Variants in SKA3 observed in about 807,000 individuals in gnomAD.
The protein encoded by SKA3 is spindle and kinetochore associated complex subunit 3, also known as spindle and kinetochore-associated protein 3.
Under a neutral mutation model 44.2 loss-of-function variants are expected in SKA3, and 39 were observed. The ratio of observed to expected loss-of-function variants is 0.88; its 90% CI spans 0.68 to 1.15. The LOEUF is 1.15. SKA3 is among the 50% of genes most tolerant of loss of function. The pLI is 0.00. For missense variants in SKA3, 511 were observed against 485.8 expected (o/e 1.05, Z -0.49); for synonymous variants, 192 against 172.0 (o/e 1.12, Z -0.91).
chr13:21,166,354 T>C (rs1870713254), intron 4 of SKA3, among the ~76,000 whole-genome samples: 1 of 152,212 alleles, frequency 6.6e-6, no homozygotes, highest in Non-Finnish European at 1.5e-5. Context: ...TTTATCATTT[T>C]GTATTATTTT....
chr13:21,156,377 A>T (rs1870121293), intron 7 of SKA3, among the ~76,000 whole-genome samples: 1 of 152,174 alleles, frequency 6.6e-6, no homozygotes, highest in Admixed American at 6.6e-5. Context: ...ACACAAAGGA[A>T]AGATGTAAAA....
At chr13:21,159,647 T>C (rs1472479487) in intron 6 of SKA3, among the ~76,000 whole-genome samples, 1 of 152,204 alleles carries the variant, frequency 6.6e-6, no homozygotes, top group Admixed American at 6.5e-5. Context: ...TGCTGTTCCT[T>C]ACTCTATAAC....
intron 4 of SKA3, among the ~76,000 whole-genome samples, chr13:21,163,152 G>A (rs2137366314): frequency 6.6e-6 from 1 of 151,948 alleles, no homozygotes; most frequent in East Asian, 1.9e-4. Context: ...TTTATAATAG[G>A]GGAAAATTGG....
At chr13:21,174,067 A>G (rs1253178405) in intron 1 of SKA3, among the ~76,000 whole-genome samples, 2 of 152,226 alleles carry the variant, frequency 1.3e-5, no homozygotes, top group African/African-American at 2.4e-5. Flanking sequence ...TAGAATGGCA[A>G]TCATTAAAAA....
At chr13:21,173,187 G>T (rs970470457) in intron 1 of SKA3, among the ~76,000 whole-genome samples, 1 of 151,886 alleles carries the variant, frequency 6.6e-6, no homozygotes, top group Non-Finnish European at 1.5e-5. Flanking sequence ...AGGAGAAACA[G>T]AGCCTTAGTA....
chr13:21,155,259 T>C, intron 8 of SKA3, 109 bp from the exon 9 acceptor site: 1 of 886,096 alleles, frequency 1.1e-6, no homozygotes, highest in Non-Finnish European at 1.7e-6. Flanking sequence ...TAATTGAGGA[T>C]AGATTCCCAC....
rs1255294377 is a variant in SKA3, at chr13:21,175,181, T to G, written c.103+1194A>C. ...TTAGTAGAGACGAGGTTTCACCACG[T>G]TGGCCAGGCTGGTCTTGAACTCCTG... On this transcript the variant is annotated intron_variant, in intron 1 of 8. Coordinates refer to ENST00000314759, the MANE Select transcript of SKA3 (RefSeq NM_145061.6). Among the ~76,000 whole-genome samples, 6 of 151,456 alleles carry G rather than the reference T, an allele frequency of 4.0e-5. No individual in the cohort carries two copies. In the East Asian group the frequency reaches 1.2e-3, roughly 29 times the overall value.
intron 8 of SKA3, 24 bp downstream of exon 8, chr13:21,155,669 T>C: frequency 7.3e-7 from 1 of 1,376,870 alleles, no homozygotes; most frequent in East Asian, 2.3e-5. Context: ...ACATGAACTT[T>C]CTTTACAAAG....
intron 4 of SKA3, among the ~76,000 whole-genome samples, chr13:21,167,722 G>A (rs1318659096): frequency 2.7e-5 from 4 of 147,074 alleles, no homozygotes; most frequent in African/African-American, 5.0e-5. Flanking sequence ...AGCTGAGATC[G>A]CACCACTGCA....
chr13:21,172,764 C>T, intron 1 of SKA3, 83 bp from the exon 2 acceptor site: 1 of 762,672 alleles, frequency 1.3e-6, no homozygotes, highest in Non-Finnish European at 2.1e-6. Flanking sequence ...CAATCATATA[C>T]CTTATAATGA....
intron 5 of SKA3, among the ~76,000 whole-genome samples, 185 bp downstream of exon 5, chr13:21,161,605 A>T (rs1870443135): frequency 6.6e-6 from 1 of 152,254 alleles, no homozygotes; most frequent in East Asian, 1.9e-4. Context: ...TATTAAAAAC[A>T]TACCAGAAAA....
chr13:21,161,863 TA>T lies in SKA3; in HGVS notation c.755del (p.Ile252LysfsTer43). ...NARNNKSEEA[I>X]DTESRLNDNV... ...TATCATTGAGCCTGGATTCTGTATC[TA>T]TGGCCTCCTCACTGGTGTGATTCAT... On this transcript the variant is annotated frameshift_variant, in exon 5 of 9. Transcript: ENST00000314759. LOFTEE classifies it high-confidence loss of function. 1 of 1,610,514 alleles carries T rather than the reference TA, an allele frequency of 6.2e-7. No homozygotes were observed. Among genetic ancestry groups the T allele is most frequent in the Non-Finnish European group, 8.5e-7 (1 of 1,177,686 alleles).
chr13:21,163,215 A>AAG (rs1015544486), intron 4 of SKA3, among the ~76,000 whole-genome samples: 1 of 151,712 alleles, frequency 6.6e-6, no homozygotes, highest in South Asian at 2.1e-4. Flanking sequence ...AAAAGAAAGA[A>AAG]AGAAAGAAAG....
intron 3 of SKA3, among the ~76,000 whole-genome samples, chr13:21,171,133 A>T (rs753899083): frequency 1.8e-4 from 27 of 152,046 alleles, no homozygotes; most frequent in Non-Finnish European, 2.9e-4. Flanking sequence ...GAGTCTCATT[A>T]TGTAGCCCTG....
intron 4 of SKA3, among the ~76,000 whole-genome samples, chr13:21,167,773 A>C (rs1437350714): frequency 1.3e-5 from 2 of 151,596 alleles, no homozygotes; most frequent in Non-Finnish European, 2.9e-5. Context: ...TCTCGAAAAA[A>C]AAAAACAAAA....
chr13:21,162,939 G>A (rs1278510721), intron 4 of SKA3, among the ~76,000 whole-genome samples: 1 of 152,120 alleles, frequency 6.6e-6, no homozygotes, highest in African/African-American at 2.4e-5. Flanking sequence ...CCTCAGCTAC[G>A]CAGCAGGCTG....
rs200652107 is a variant in SKA3 at position 21,154,786 on chromosome 13, C to G, written c.*364G>C. 65 of 339,510 alleles carry G rather than the reference C, an allele frequency of 1.9e-4. No individual in the cohort carries two copies. The East Asian group carries it at 3.2e-3, about 17-fold the overall frequency. The allele number at this position is 339,510 out of a possible 1,614,324, so 21.0% of individuals were successfully genotyped here. A position where few individuals can be genotyped will look rare whatever the true frequency, so the allele number is the denominator to read the frequency against. ...AGAGCTGGCTGGCAGCAATGTCTCTCTGGCCAGAAGGTCAGGGGCGGCCTC... is the reference window on the plus strand; with the variant it reads ...AGAGCTGGCTGGCAGCAATGTCTCTGTGGCCAGAAGGTCAGGGGCGGCCTC... On this transcript the variant is annotated 3_prime_UTR_variant, in exon 9 of 9. Coordinates refer to ENST00000314759, the MANE Select transcript of SKA3 (RefSeq NM_145061.6).
intron 4 of SKA3, among the ~76,000 whole-genome samples, chr13:21,163,677 A>G (rs1219068808): frequency 6.6e-6 from 1 of 152,224 alleles, no homozygotes; most frequent in Non-Finnish European, 1.5e-5. Flanking sequence ...ATAGTTGAAA[A>G]ATGACATCTC....
intron 6 of SKA3, among the ~76,000 whole-genome samples, chr13:21,159,506 T>C (rs898824721): frequency 1.3e-5 from 2 of 152,188 alleles, no homozygotes; most frequent in African/African-American, 4.8e-5. Flanking sequence ...TCTTTTTATA[T>C]GCTCTCATCT....
Sources: gnomAD v4.1 joint callset for allele counts (sites outside exome capture counted in the v4.1 genomes callset) on GRCh38, gnomAD v4.1.1 for gene constraint, MANE v1.5 for transcripts, NCBI Gene and HGNC (gene_info 2026-07-23, HGNC 2026-07-21) for gene names.